TRIM44: variants seen among roughly 807,000 people sequenced by gnomAD.
The protein encoded by TRIM44 is tripartite motif-containing protein 44.
In TRIM44, 13 loss-of-function variants were observed where a neutral mutation model predicts 37.4. That is an observed-to-expected ratio of 0.35 (90% CI 0.23 to 0.55). TRIM44 has a LOEUF of 0.55. TRIM44 is among the 20% of genes least tolerant of loss of function. The pLI, the probability that TRIM44 is intolerant of heterozygous loss-of-function variation, is 0.89. For missense variants in TRIM44, 426 were observed against 437.2 expected (o/e 0.97, Z 0.23); for synonymous variants, 175 against 157.2 (o/e 1.11, Z -0.85).
chr11:35,668,707 A>G (rs181822000), intron 1 of TRIM44, among the ~76,000 whole-genome samples: 3 of 152,148 alleles, frequency 2.0e-5, no homozygotes, highest in Non-Finnish European at 2.9e-5. Context: ...AAAATAATCT[A>G]TTTTCCTTTG....
At chr11:35,739,533 T>C (rs1384502846) in intron 4 of TRIM44, among the ~76,000 whole-genome samples, 1 of 152,198 alleles carries the variant, frequency 6.6e-6, no homozygotes, top group Non-Finnish European at 1.5e-5. Context: ...GACATTGAAT[T>C]GCTGTGGCCC....
chr11:35,723,499 A>G (rs557585626), intron 2 of TRIM44, among the ~76,000 whole-genome samples: 12 of 152,336 alleles, frequency 7.9e-5, no homozygotes, highest in Admixed American at 3.3e-4. Context: ...TGAGAGTGGG[A>G]AAAAGGCATA....
chr11:35,676,178 T>A (rs1221444564), intron 1 of TRIM44, among the ~76,000 whole-genome samples: 2 of 152,160 alleles, frequency 1.3e-5, no homozygotes, highest in African/African-American at 4.8e-5. Context: ...TATTGAGTTA[T>A]GATGAGGAAC....
intron 1 of TRIM44, among the ~76,000 whole-genome samples, chr11:35,671,422 A>G (rs891622638): frequency 6.6e-6 from 1 of 152,220 alleles, no homozygotes; most frequent in African/African-American, 2.4e-5. Context: ...AGAGACTTTA[A>G]CAATGCTTAA....
chr11:35,668,259 T>C (rs1200061082), intron 1 of TRIM44, among the ~76,000 whole-genome samples: 1 of 152,222 alleles, frequency 6.6e-6, no homozygotes, highest in Non-Finnish European at 1.5e-5. Context: ...GCAGGTTTGT[T>C]ACATAGGTAA....
intron 4 of TRIM44, among the ~76,000 whole-genome samples, chr11:35,801,046 G>C (rs1853361571): frequency 1.3e-5 from 2 of 152,162 alleles, no homozygotes; most frequent in South Asian, 2.1e-4. Flanking sequence ...TTCAGCTCAG[G>C]CTGTTGGGGC....
At chr11:35,780,293 G>A (rs1457115616) in intron 4 of TRIM44, among the ~76,000 whole-genome samples, 1 of 152,134 alleles carries the variant, frequency 6.6e-6, no homozygotes, top group Non-Finnish European at 1.5e-5. Flanking sequence ...ATAAGTTGAT[G>A]TAAGGTTAAG....
At chr11:35,689,859 A>G (rs1006832463) in intron 2 of TRIM44, among the ~76,000 whole-genome samples, 16 of 152,182 alleles carry the variant, frequency 1.1e-4, no homozygotes, top group African/African-American at 3.6e-4. Context: ...AGCTCAATCA[A>G]ACTAACCTCT....
intron 2 of TRIM44, among the ~76,000 whole-genome samples, chr11:35,694,974 C>G (rs1165574861): frequency 6.6e-6 from 1 of 151,994 alleles, no homozygotes; most frequent in African/African-American, 2.4e-5. Flanking sequence ...ATGGGGAGAG[C>G]TTTTATGCAA....
intron 1 of TRIM44, among the ~76,000 whole-genome samples, chr11:35,665,500 A>G (rs983632537): frequency 1.4e-5 from 2 of 146,970 alleles, no homozygotes; most frequent in East Asian, 4.0e-4. Context: ...GATCTTTTAT[A>G]CTTCCTCTGT....
chr11:35,662,893 G>A lies in TRIM44; in HGVS notation c.-219G>A. 5.9e-6 allele frequency: 4 copies of A among 682,792 alleles called. No homozygotes were observed. Among genetic ancestry groups the A allele is most frequent in the Non-Finnish European group, 8.2e-6 (4 of 485,924 alleles). 42.3% of individuals were successfully genotyped at this position (682,792 alleles called of 1,614,324 possible). On this transcript the variant is annotated 5_prime_UTR_variant, in exon 1 of 5. Transcript: ENST00000299413. The stretch of plus-strand genomic sequence containing the variant: ...GCCTTGCGCGGCAGAGGAAGCGCAG[G>A]GACAGAGCGGAGCAGGCCGAGCCGG...
In TRIM44 at chr11:35,674,167, G is replaced by A. The variant is rs550804191; in HGVS notation, c.669+10387G>A. Reference sequence around the variant, plus strand: ...GGGAGTAGAGATGAGAATGGGGTAAGAAATGCAGAAGGCTGGCTCTGGGAG... The same window carrying A: ...GGGAGTAGAGATGAGAATGGGGTAAAAAATGCAGAAGGCTGGCTCTGGGAG... On this transcript the variant is annotated intron_variant, in intron 1 of 4. Transcript: ENST00000299413. 5.9e-5 allele frequency among the ~76,000 whole-genome samples: 9 copies of A among 152,134 alleles called. No homozygotes were observed. The East Asian group carries it at 1.7e-3, about 29-fold the overall frequency.
At chr11:35,694,810 G>T (rs1167628088) in intron 2 of TRIM44, among the ~76,000 whole-genome samples, 1 of 152,008 alleles carries the variant, frequency 6.6e-6, no homozygotes, top group African/African-American at 2.4e-5. Context: ...AATGTGGATG[G>T]CAAGGACAGT....
intron 4 of TRIM44, among the ~76,000 whole-genome samples, chr11:35,763,728 T>C (rs1852757779): frequency 6.6e-6 from 1 of 152,250 alleles, no homozygotes; most frequent in Non-Finnish European, 1.5e-5. Context: ...TGCATTTGTC[T>C]GCTTCTATTG....
At chr11:35,711,862 C>A (rs1851978960) in intron 2 of TRIM44, among the ~76,000 whole-genome samples, 1 of 152,160 alleles carries the variant, frequency 6.6e-6, no homozygotes, top group African/African-American at 2.4e-5. Context: ...GTGAGGGCAC[C>A]TTCCTCCCCA....
intron 2 of TRIM44, among the ~76,000 whole-genome samples, chr11:35,696,846 CAA>C (rs35624288): frequency 2.3e-4 from 30 of 131,666 alleles, no homozygotes; most frequent in African/African-American, 7.4e-4. Flanking sequence ...AAACTCTGTC[CAA>C]AAAAAAAAAC....
intron 4 of TRIM44, among the ~76,000 whole-genome samples, chr11:35,758,628 T>C (rs1852680794): frequency 6.6e-6 from 1 of 152,370 alleles, no homozygotes; most frequent in South Asian, 2.1e-4. Flanking sequence ...GTTTTTGCAG[T>C]GGCTGGTACT....
chr11:35,707,336 GC>G (rs1051454206), intron 2 of TRIM44, among the ~76,000 whole-genome samples: 1 of 152,116 alleles, frequency 6.6e-6, no homozygotes, highest in Non-Finnish European at 1.5e-5. Context: ...TGGCCATACT[GC>G]CCAAGGTAAT....
chr11:35,779,828 A>C (rs890819173), intron 4 of TRIM44, among the ~76,000 whole-genome samples: 1 of 148,914 alleles, frequency 6.7e-6, no homozygotes, highest in African/African-American at 2.5e-5. Flanking sequence ...CTAGTGAGCT[A>C]TCCCAACACC....
Sources: allele counts gnomAD v4.1 joint callset (sites outside exome capture counted in the v4.1 genomes callset), GRCh38; gene constraint gnomAD v4.1.1; transcripts MANE v1.5; gene names NCBI Gene and HGNC (gene_info 2026-07-23, HGNC 2026-07-21).